Variants in ITSN2 observed in about 807,000 individuals in gnomAD.
ITSN2 encodes intersectin 2.
In ITSN2, 156 loss-of-function variants were observed where a neutral mutation model predicts 243.7. That is an observed-to-expected ratio of 0.64 (90% CI 0.56 to 0.73). ITSN2 has a LOEUF of 0.73. Ranked by LOEUF, ITSN2 falls within the 30% of genes least tolerant of loss-of-function variation. The pLI, the probability that ITSN2 is intolerant of heterozygous loss-of-function variation, is 0.00. For synonymous variants in ITSN2, 703 were observed against 699.9 expected (o/e 1.00, Z -0.07); for missense variants, 1,801 against 1,996.1 (o/e 0.90, Z 1.86).
chr2:24,246,907 A>C lies in ITSN2; in HGVS notation c.3289-14T>G. 2.7e-6 allele frequency: 4 copies of C among 1,494,622 alleles called. No individual in the cohort carries two copies. The highest frequency in any genetic ancestry group is 3.7e-6 in the Non-Finnish European group (4 of 1,076,704). The allele number at this position is 1,494,622 out of a possible 1,614,324, so 92.6% of individuals were successfully genotyped here. A position where few individuals can be genotyped will look rare whatever the true frequency, so the allele number is the denominator to read the frequency against. ...TTTTCCTCTGGCCTAAAAATTAGCA[A>C]AAGAAATACATAATTGAAAGATGAG... On this transcript the variant is annotated splice_polypyrimidine_tract_variant and intron_variant, in intron 27 of 39. Coordinates refer to ENST00000355123, the MANE Select transcript of ITSN2 (RefSeq NM_006277.3).
At chr2:24,203,882 G>GAAACA in intron 39 of ITSN2, 99 bp from the exon 40 acceptor site, 1 of 1,296,200 alleles carries the variant, frequency 7.7e-7, no homozygotes, top group East Asian at 2.3e-5. Flanking sequence ...CTTCAAATCT[G>GAAACA]AAACAAGGAA....
chr2:24,209,874 C>T lies in ITSN2; in HGVS notation c.4417G>A (p.Gly1473Ser). ...TTCGAGCTGAAAAGTTTCTCAGAGC[C>T]AGAGGAAACAGCAAACTGCTTGACC... Reference protein sequence around the residue: ...YMVKQFAVSSGSEKLFSSKSN... With the variant: ...YMVKQFAVSSSSEKLFSSKSN... The change falls in exon 35 of 40, where the codon GGC becomes AGC. Residue 1473 changes from glycine (G) to serine (S), a missense_variant. Transcript: ENST00000355123. 1 of 1,614,176 alleles carries T rather than the reference C, an allele frequency of 6.2e-7. No individual in the cohort carries two copies. Among genetic ancestry groups the T allele is most frequent in the Non-Finnish European group, 8.5e-7 (1 of 1,180,046 alleles).
intron 37 of ITSN2, 89 bp downstream of exon 37, chr2:24,208,148 C>T (rs1412337903): frequency 4.0e-5 from 45 of 1,124,950 alleles, no homozygotes; most frequent in Non-Finnish European, 5.9e-5. Flanking sequence ...TCAGACCCGT[C>T]CCTATATCAT....
At chr2:24,330,663 G>C (rs1685678881) in intron 1 of ITSN2, 3 of 726,112 alleles carry the variant, frequency 4.1e-6, no homozygotes, top group African/African-American at 1.7e-5. Flanking sequence ...AAGTGCTGGA[G>C]ATGCCAAGTG....
At chr2:24,319,167 G>A (rs1055344925) in intron 2 of ITSN2, among the ~76,000 whole-genome samples, 1 of 152,128 alleles carries the variant, frequency 6.6e-6, no homozygotes, top group Non-Finnish European at 1.5e-5. Context: ...GTTAATTCTG[G>A]TTAGGGTTTA....
rs779768616 is a variant in ITSN2, at chr2:24,298,864, C to G, written c.1345-50G>C. ...TAATTTTTAAATCAAAAATTTTGCA[C>G]GATTCAAAAACTGGGAAGACAACAA... On this transcript the variant is annotated intron_variant, in intron 12 of 39. Transcript: ENST00000355123. The G allele has an allele frequency of 2.0e-6, 3 of 1,533,300 alleles. No homozygotes were observed. In the South Asian group the frequency reaches 3.7e-5, roughly 19 times the overall value. The allele number at this position is 1,533,300 out of a possible 1,614,324, so 95.0% of individuals were successfully genotyped here.
At chr2:24,219,898 G>C (rs1454194239) in intron 30 of ITSN2, among the ~76,000 whole-genome samples, 1 of 152,176 alleles carries the variant, frequency 6.6e-6, no homozygotes, top group Non-Finnish European at 1.5e-5. Flanking sequence ...CCAATTCACT[G>C]ACTACTTATG....
At chr2:24,361,292 C>T (rs771233070), upstream of ITSN2, among the ~76,000 whole-genome samples, 3 of 152,150 alleles carry the variant, frequency 2.0e-5, no homozygotes, top group African/African-American at 7.2e-5. Flanking sequence ...TCTCCCCTCC[C>T]GGTTCCTGGT....
intron 8 of ITSN2, among the ~76,000 whole-genome samples, chr2:24,306,093 C>T: frequency 6.6e-6 from 1 of 152,132 alleles, no homozygotes; most frequent in Non-Finnish European, 1.5e-5. Flanking sequence ...AATTCTGTTG[C>T]CTCAGACTCC....
At chr2:24,288,092 A>C (rs1344266741) in intron 15 of ITSN2, among the ~76,000 whole-genome samples, 1 of 152,120 alleles carries the variant, frequency 6.6e-6, no homozygotes, top group African/African-American at 2.4e-5. Flanking sequence ...TAATATCCAA[A>C]AAATCACTGC....
chr2:24,279,870 C>G (rs549672472), intron 17 of ITSN2, among the ~76,000 whole-genome samples: 1 of 151,298 alleles, frequency 6.6e-6, no homozygotes, highest in Admixed American at 6.6e-5. Flanking sequence ...GTAGCTGGGA[C>G]TATAGGCGTC....
At chr2:24,257,450 A>T (rs1574040869) in intron 23 of ITSN2, among the ~76,000 whole-genome samples, 2 of 151,618 alleles carry the variant, frequency 1.3e-5, no homozygotes. Context: ...CCTAAGAATT[A>T]CCTTTCTTTT....
intron 2 of ITSN2, among the ~76,000 whole-genome samples, chr2:24,320,801 A>C (rs1230380773): frequency 6.6e-6 from 1 of 151,988 alleles, no homozygotes; most frequent in African/African-American, 2.4e-5. Flanking sequence ...TCTAAGGGAG[A>C]CACTGATGAT....
At chr2:24,282,035 G>T (rs1322802960) in intron 17 of ITSN2, among the ~76,000 whole-genome samples, 2 of 152,216 alleles carry the variant, frequency 1.3e-5, no homozygotes, top group African/African-American at 4.8e-5. Context: ...CCTGGCTAGG[G>T]CTTCAGCCTC....
intron 29 of ITSN2, among the ~76,000 whole-genome samples, chr2:24,227,686 C>G (rs755813035): frequency 3.3e-5 from 5 of 151,986 alleles, no homozygotes; most frequent in Admixed American, 3.3e-4. Flanking sequence ...TTTGGGAGGC[C>G]AAGGCGGGTG....
chr2:24,337,349 T>TAC (rs1686558954), intron 1 of ITSN2, among the ~76,000 whole-genome samples: 1 of 125,078 alleles, frequency 8.0e-6, no homozygotes, highest in Non-Finnish European at 1.7e-5. Context: ...TATATATATA[T>TAC]ATATGTAATT....
chr2:24,212,881 T>G (rs1183158698), intron 32 of ITSN2, 133 bp from the exon 33 acceptor site: 1 of 722,016 alleles, frequency 1.4e-6, no homozygotes, highest in Non-Finnish European at 2.3e-6. Context: ...TTTTAGAATT[T>G]TTTTTAGGTG....
chr2:24,227,902 A>G (rs567808336), intron 29 of ITSN2, among the ~76,000 whole-genome samples: 1 of 152,314 alleles, frequency 6.6e-6, no homozygotes, highest in East Asian at 1.9e-4. Flanking sequence ...AAGAAAAAAA[A>G]GATGGAAAAC....
intron 29 of ITSN2, among the ~76,000 whole-genome samples, chr2:24,234,962 C>T (rs1222409914): frequency 6.6e-6 from 1 of 152,170 alleles, no homozygotes; most frequent in Non-Finnish European, 1.5e-5. Flanking sequence ...TACTCTTAAA[C>T]CATATGATCC....
Sources: gnomAD v4.1 joint callset for allele counts (sites outside exome capture counted in the v4.1 genomes callset) on GRCh38, gnomAD v4.1.1 for gene constraint, MANE v1.5 for transcripts, NCBI Gene and HGNC (gene_info 2026-07-23, HGNC 2026-07-21) for gene names.